JAML: variants seen among roughly 807,000 people sequenced by gnomAD.
The protein encoded by JAML is junctional adhesion molecule-like.
JAML carries 25 observed loss-of-function variants against 39.3 expected under a neutral mutation model. That is an observed-to-expected ratio of 0.64 (90% CI 0.46 to 0.89). JAML has a LOEUF of 0.89. JAML is among the 40% of genes least tolerant of loss of function. The pLI is 0.00. For synonymous variants in JAML, 162 were observed against 179.2 expected (o/e 0.90, Z 0.77); for missense variants, 440 against 486.9 (o/e 0.90, Z 0.91).
chr11:118,194,482 C>T, intron 9 of JAML, 65 bp from the exon 10 acceptor site: 1 of 1,357,258 alleles, frequency 7.4e-7, no homozygotes, highest in Non-Finnish European at 1.1e-6. Context: ...ATCATAGCAG[C>T]TGCTGTTCAT....
intron 4 of JAML, 67 bp from the exon 5 acceptor site, chr11:118,206,058 A>C (rs1196004349): frequency 2.5e-5 from 35 of 1,413,402 alleles, no homozygotes; most frequent in Non-Finnish European, 3.5e-5. Context: ...GAATTTCTAG[A>C]AGAGATCATG....
chr11:118,198,326 C>T (rs1213210622), intron 7 of JAML, among the ~76,000 whole-genome samples: 2 of 152,190 alleles, frequency 1.3e-5, no homozygotes, highest in Non-Finnish European at 2.9e-5. Flanking sequence ...GCAGCTTCAA[C>T]TTCTCTATTA....
chr11:118,223,286 TCCGGGCC>T (rs1949228538), intron 1 of JAML, among the ~76,000 whole-genome samples: 1 of 152,100 alleles, frequency 6.6e-6, no homozygotes, highest in Admixed American at 6.5e-5. Context: ...AGGGCCAGAA[TCCGGGCC>T]CATGTGTCTG....
rs1374522394 is a variant in JAML, at chr11:118,194,175, C to G, written c.*150G>C. On this transcript the variant is annotated 3_prime_UTR_variant, in exon 10 of 10. Transcript: ENST00000356289. ...AGCTGTCCAGTCTCTCTGCCAGGCT[C>G]CAAATTCTCCATCTTCAGTGTATTG... 4.3e-6 allele frequency: 3 copies of G among 691,934 alleles called. No homozygotes were observed. The highest frequency in any genetic ancestry group is 4.5e-5 in the Admixed American group (2 of 44,664). 42.9% of individuals were successfully genotyped at this position (691,934 alleles called of 1,614,324 possible).
intron 5 of JAML, chr11:118,203,938 A>T (rs1355598550): frequency 2.8e-6 from 1 of 353,294 alleles, no homozygotes; most frequent in Non-Finnish European, 5.3e-6. Flanking sequence ...CCTTTCCAAT[A>T]AAAAAAAAGC....
chr11:118,218,820 G>A (rs1949176499), intron 1 of JAML, among the ~76,000 whole-genome samples: 1 of 152,114 alleles, frequency 6.6e-6, no homozygotes, highest in African/African-American at 2.4e-5. Flanking sequence ...AAAAAATCCA[G>A]CAAAAGCATT....
chr11:118,206,917 A>G (rs1392410509), intron 4 of JAML, among the ~76,000 whole-genome samples: 1 of 152,256 alleles, frequency 6.6e-6, no homozygotes, highest in Non-Finnish European at 1.5e-5. Flanking sequence ...TAAGGAAGAC[A>G]CAAGTCTAGG....
chr11:118,199,964 G>A (rs1204728047), intron 7 of JAML, among the ~76,000 whole-genome samples: 1 of 152,056 alleles, frequency 6.6e-6, no homozygotes, highest in East Asian at 1.9e-4. Flanking sequence ...TCAAAGTGCT[G>A]GGATTACAGG....
rs532864801 is a variant in JAML at position 118,197,918 on chromosome 11, G to A, written c.1005+80C>T. 3.2e-4 allele frequency: 412 copies of A among 1,295,330 alleles called. 6 individuals are homozygous for A. In the South Asian group the frequency reaches 4.4e-3, roughly 14 times the overall value. 80.2% of individuals were successfully genotyped at this position (1,295,330 alleles called of 1,614,324 possible). On this transcript the variant is annotated intron_variant, in intron 8 of 9. Transcript: ENST00000356289. The stretch of plus-strand genomic sequence containing the variant: ...GGCCTGCAAGCTGCGACATACAATG[G>A]GTAAGATATGGTTCCCGGGGGTATG...
At chr11:118,197,966 A>C in intron 8 of JAML, 32 bp downstream of exon 8, 1 of 1,589,624 alleles carries the variant, frequency 6.3e-7, no homozygotes, top group East Asian at 2.2e-5. Flanking sequence ...GCCTGCATCT[A>C]CTTAGTGTTT....
chr11:118,199,693 ATT>A (rs34379845), intron 7 of JAML, among the ~76,000 whole-genome samples: 43,058 of 106,058 alleles, frequency 0.41, 8,272 homozygotes, highest in South Asian at 0.64. Context: ...TATTATTATT[ATT>A]TTTTTTTTTT....
At chr11:118,195,030 C>T (rs184335402) in intron 9 of JAML, among the ~76,000 whole-genome samples, 11 of 152,298 alleles carry the variant, frequency 7.2e-5, no homozygotes, top group Admixed American at 6.5e-5. Flanking sequence ...AAACCATAAT[C>T]GCCTAGCATT....
intron 7 of JAML, 82 bp downstream of exon 7, chr11:118,200,392 C>A: frequency 6.6e-7 from 1 of 1,508,054 alleles, no homozygotes; most frequent in Non-Finnish European, 9.1e-7. Context: ...TAAGTAGGGC[C>A]CTATCACCCT....
In JAML at chr11:118,198,190, C is replaced by G. The variant is rs551472762; in HGVS notation, c.912-99G>C. 3.1e-6 allele frequency: 3 copies of G among 983,048 alleles called. No homozygotes were observed. In the East Asian group the frequency reaches 7.3e-5, roughly 24 times the overall value. The allele number at this position is 983,048 out of a possible 1,614,324, so 60.9% of individuals were successfully genotyped here. A position where few individuals can be genotyped will look rare whatever the true frequency, so the allele number is the denominator to read the frequency against. On this transcript the variant is annotated intron_variant, in intron 7 of 9. Coordinates refer to ENST00000356289, the MANE Select transcript of JAML (RefSeq NM_001098526.2). ...TCTTGGCTTCGTGAAGAGAGAGACA[C>G]CAGAGAAGGAACTATTCTCTCTGGA...
Position 118,201,120 on chromosome 11 carries a change from G to A in JAML, c.773-508C>T, listed in dbSNP as rs538448711. ...ACCTCCTCAGGGCCAGACAGCACTAGGTACAGGGGATTCAGAGATGAATGA... is the reference window on the plus strand; with the variant it reads ...ACCTCCTCAGGGCCAGACAGCACTAAGTACAGGGGATTCAGAGATGAATGA... On this transcript the variant is annotated intron_variant, in intron 6 of 9. Transcript: ENST00000356289. The A allele has an allele frequency of 1.1e-4, 17 of 154,160 alleles. No individual in the cohort carries two copies. The South Asian group carries it at 3.2e-3, about 29-fold the overall frequency. 9.5% of individuals were successfully genotyped at this position (154,160 alleles called of 1,614,324 possible).
chr11:118,202,838 G>T (rs372962953), intron 6 of JAML: 2 of 409,316 alleles, frequency 4.9e-6, no homozygotes, highest in East Asian at 1.4e-4. Context: ...CTGGGTTATG[G>T]TTTAACTTTA....
rs113175724 is a variant in JAML at position 118,193,816 on chromosome 11, G to C, written c.*509C>G. The C allele has an allele frequency of 6.0e-6, 1 of 166,724 alleles. No individual in the cohort carries two copies. The highest frequency in any genetic ancestry group is 5.6e-5 in the Admixed American group (1 of 17,894). 10.3% of individuals were successfully genotyped at this position (166,724 alleles called of 1,614,324 possible). A position where few individuals can be genotyped will look rare whatever the true frequency, so the allele number is the denominator to read the frequency against. On this transcript the variant is annotated 3_prime_UTR_variant, in exon 10 of 10. Coordinates refer to ENST00000356289, the MANE Select transcript of JAML (RefSeq NM_001098526.2). The stretch of plus-strand genomic sequence containing the variant: ...AAACCAGCCTCTAGTGTGTTAGCAC[G>C]GTTTGGCTTTCCTCCAGGAACTTCA...
intron 1 of JAML, among the ~76,000 whole-genome samples, chr11:118,216,729 GA>G (rs1184528762): frequency 1.3e-5 from 2 of 152,172 alleles, no homozygotes; most frequent in Non-Finnish European, 2.9e-5. Flanking sequence ...GAATGAACAG[GA>G]AACTTAAGTT....
intron 4 of JAML, among the ~76,000 whole-genome samples, chr11:118,209,704 T>C (rs895443444): frequency 6.6e-6 from 1 of 151,726 alleles, no homozygotes; most frequent in Non-Finnish European, 1.5e-5. Context: ...TATTATTTTT[T>C]TTTTATTTTT....
Sources: allele counts gnomAD v4.1 joint callset (sites outside exome capture counted in the v4.1 genomes callset), GRCh38; gene constraint gnomAD v4.1.1; transcripts MANE v1.5; gene names NCBI Gene and HGNC (gene_info 2026-07-23, HGNC 2026-07-21).